TNFRSF21: variants seen among roughly 807,000 people sequenced by gnomAD.
The protein encoded by TNFRSF21 is TNF receptor superfamily member 21, also known as tumor necrosis factor receptor superfamily member 21.
TNFRSF21 carries 19 observed loss-of-function variants against 45.6 expected under a neutral mutation model. That is an observed-to-expected ratio of 0.42 (90% CI 0.29 to 0.61). The LOEUF (loss-of-function observed/expected upper bound fraction) is 0.61, where lower values mean the gene tolerates loss of function less well. TNFRSF21 is among the 20% of genes least tolerant of loss of function. The probability of loss-of-function intolerance (pLI) is 0.23; values close to 1 mark genes in which losing one functional copy is unlikely to be tolerated. For missense variants in TNFRSF21, 737 were observed against 851.5 expected (o/e 0.87, Z 1.67); for synonymous variants, 314 against 335.5 (o/e 0.94, Z 0.70).
chr6:47,244,176 T>C (rs1764791138), intron 4 of TNFRSF21, among the ~76,000 whole-genome samples: 1 of 151,820 alleles, frequency 6.6e-6, no homozygotes, highest in Non-Finnish European at 1.5e-5. Flanking sequence ...CAAAAAAAAT[T>C]AGCCAGGCGT....
intron 3 of TNFRSF21, among the ~76,000 whole-genome samples, chr6:47,256,240 A>G (rs1235432768): frequency 6.6e-6 from 1 of 152,152 alleles, no homozygotes; most frequent in Non-Finnish European, 1.5e-5. Flanking sequence ...ATAAAAGTAG[A>G]ATGGATGGGC....
chr6:47,237,480 G>A (rs1038495683), intron 4 of TNFRSF21, among the ~76,000 whole-genome samples: 1 of 152,036 alleles, frequency 6.6e-6, no homozygotes, highest in African/African-American at 2.4e-5. Context: ...AAAGTTTATG[G>A]TTCAGTATTC....
At chr6:47,234,585 C>A in intron 5 of TNFRSF21, 85 bp downstream of exon 5, 1 of 1,107,992 alleles carries the variant, frequency 9.0e-7, no homozygotes, top group Non-Finnish European at 1.3e-6. Context: ...TCAGCTACAA[C>A]TGGACTGTGG....
At chr6:47,240,336 A>T (rs988362018) in intron 4 of TNFRSF21, among the ~76,000 whole-genome samples, 1 of 152,220 alleles carries the variant, frequency 6.6e-6, no homozygotes, top group Non-Finnish European at 1.5e-5. Context: ...AATCTAACTG[A>T]AACTTACTGC....
chr6:47,269,345 C>T (rs943227063), intron 3 of TNFRSF21, among the ~76,000 whole-genome samples: 2 of 152,098 alleles, frequency 1.3e-5, no homozygotes, highest in Non-Finnish European at 2.9e-5. Context: ...TTACTAAAGC[C>T]TAGTAAGCCC....
chr6:47,275,070 G>C (rs1295782924), intron 3 of TNFRSF21, among the ~76,000 whole-genome samples: 1 of 152,186 alleles, frequency 6.6e-6, no homozygotes, highest in African/African-American at 2.4e-5. Context: ...GTGTAAATTA[G>C]TTCAACCATT....
chr6:47,260,070 T>C (rs1443530660), intron 3 of TNFRSF21, among the ~76,000 whole-genome samples: 1 of 152,176 alleles, frequency 6.6e-6, no homozygotes, highest in African/African-American at 2.4e-5. Context: ...TCGGCTCTGC[T>C]TCCCCTGCCC....
intron 2 of TNFRSF21, among the ~76,000 whole-genome samples, chr6:47,285,590 C>G (rs1762634092): frequency 6.6e-6 from 1 of 152,154 alleles, no homozygotes; most frequent in Non-Finnish European, 1.5e-5. Flanking sequence ...TGGAAGGAAC[C>G]TTAAACATCT....
intron 1 of TNFRSF21, 95 bp from the exon 2 acceptor site, chr6:47,286,690 A>T: frequency 7.7e-7 from 1 of 1,306,950 alleles, no homozygotes; most frequent in Non-Finnish European, 1.0e-6. Context: ...CAGCACCACC[A>T]TCATCATTCC....
At chr6:47,242,409 G>A (rs547403178) in intron 4 of TNFRSF21, among the ~76,000 whole-genome samples, 38 of 152,182 alleles carry the variant, frequency 2.5e-4, no homozygotes, top group Non-Finnish European at 3.4e-4. Flanking sequence ...TATATACCTC[G>A]TCTTAGAATT....
intron 4 of TNFRSF21, among the ~76,000 whole-genome samples, chr6:47,239,670 T>G (rs891678632): frequency 1.3e-5 from 2 of 152,124 alleles, no homozygotes; most frequent in African/African-American, 4.8e-5. Context: ...GAAAAAGCAT[T>G]GCAAGAAAAG....
intron 1 of TNFRSF21, among the ~76,000 whole-genome samples, chr6:47,291,374 G>A (rs1762725911): frequency 4.6e-5 from 7 of 152,190 alleles, no homozygotes; most frequent in Admixed American, 4.6e-4. Context: ...TCAGAGCAGA[G>A]GGTGAAAGGG....
chr6:47,303,236 A>G (rs1207587399), intron 1 of TNFRSF21, among the ~76,000 whole-genome samples: 1 of 152,258 alleles, frequency 6.6e-6, no homozygotes, highest in Non-Finnish European at 1.5e-5. Context: ...CAGTACTGAC[A>G]GGAGACGAAC....
intron 3 of TNFRSF21, among the ~76,000 whole-genome samples, chr6:47,277,304 A>T (rs1016366766): frequency 6.6e-6 from 1 of 152,184 alleles, no homozygotes; most frequent in African/African-American, 2.4e-5. Flanking sequence ...TAAGTATAGT[A>T]TTTTAAAGGA....
At chr6:47,259,435 T>C (rs1765038477) in intron 3 of TNFRSF21, among the ~76,000 whole-genome samples, 1 of 151,626 alleles carries the variant, frequency 6.6e-6, no homozygotes. Context: ...AGTGCAGTGG[T>C]GCAATCTTGG....
At position 47,253,351 on chromosome 6, in the gene TNFRSF21, C is replaced by T. The variant is rs781439087; in HGVS notation, c.1414G>A (p.Glu472Lys). ...ALQHWTIRGPEASLAQLISAL... is the reference protein window; with the variant it reads ...ALQHWTIRGPKASLAQLISAL... ...CTAATTAGCTGGGCGAGGCTGGCCT[C>T]GGGGCCCCGGATGGTCCAGTGCTGC... The change falls in exon 4 of 6, where the codon GAG becomes AAG. Residue 472 changes from glutamate to lysine, a missense_variant. Physicochemically the swap from Glu to Lys is moderately conservative, Grantham distance 56. Coordinates refer to ENST00000296861, the MANE Select transcript of TNFRSF21 (RefSeq NM_014452.5). 1.6e-5 allele frequency: 26 copies of T among 1,613,894 alleles called. No individual in the cohort carries two copies. The highest frequency in any genetic ancestry group is 2.0e-5 in the Non-Finnish European group (24 of 1,179,996).
chr6:47,285,849 G>T, intron 2 of TNFRSF21, 95 bp downstream of exon 2: 1 of 1,388,834 alleles, frequency 7.2e-7, no homozygotes, highest in Non-Finnish European at 9.7e-7. Context: ...TGGAATACAC[G>T]AAATGGAGAA....
chr6:47,244,997 G>A (rs1764802799), intron 4 of TNFRSF21, among the ~76,000 whole-genome samples: 1 of 152,182 alleles, frequency 6.6e-6, no homozygotes, highest in African/African-American at 2.4e-5. Flanking sequence ...AAGTGAAAAT[G>A]TGCTCTCCTG....
rs745707750 is a variant in TNFRSF21 at position 47,284,054 on chromosome 6, G to T, written c.1127C>A (p.Thr376Asn). 2 of 1,614,162 alleles carry T rather than the reference G, an allele frequency of 1.2e-6. No homozygotes were observed. The highest frequency in any genetic ancestry group is 8.5e-7 in the Non-Finnish European group (1 of 1,180,022). Residue 376 changes from threonine (T) to asparagine (N), a missense_variant, in exon 3 of 6, where the codon ACT (threonine) becomes AAT (asparagine). By Grantham distance (65) the Thr-to-Asn change is moderately conservative. Transcript: ENST00000296861. ...ATCCTGCCGGGGCCCCTTTTTCAGA[G>T]TCCTCGAGCTTTTCCGGATACTGCA... ...VVCSIRKSSR[T>N]LKKGPRQDPS...
Sources: gnomAD v4.1 joint callset for allele counts (sites outside exome capture counted in the v4.1 genomes callset) on GRCh38, gnomAD v4.1.1 for gene constraint, MANE v1.5 for transcripts, NCBI Gene and HGNC (gene_info 2026-07-23, HGNC 2026-07-21) for gene names.